Variants in TMEM232 observed in about 807,000 individuals in gnomAD.
The protein encoded by TMEM232 is transmembrane protein 232.
A neutral mutation model predicts 78.8 loss-of-function variants in TMEM232; 80 were observed. That is an observed-to-expected ratio of 1.01 (90% CI 0.85 to 1.22). The LOEUF is 1.22. Among genes scored for constraint, TMEM232 ranks in the 50% most tolerant of loss-of-function variants. The pLI is 0.00. For missense variants in TMEM232, 881 were observed against 742.2 expected (o/e 1.19, Z -2.17); for synonymous variants, 297 against 254.3 (o/e 1.17, Z -1.60).
intron 10 of TMEM232, among the ~76,000 whole-genome samples, chr5:110,569,252 A>G (rs7732762): frequency 0.01 from 1,587 of 152,036 alleles, 21 homozygotes; most frequent in African/African-American, 0.035. Context: ...AGCAATTTAT[A>G]TACATTACCA....
At chr5:110,403,133 A>G (rs912485665) in intron 2 of TMEM232, among the ~76,000 whole-genome samples, 4 of 152,080 alleles carry the variant, frequency 2.6e-5, no homozygotes, top group African/African-American at 9.7e-5. Context: ...CATTCCCTAC[A>G]AAAAGGTTCA....
intron 10 of TMEM232, among the ~76,000 whole-genome samples, chr5:110,598,601 A>G (rs981411924): frequency 2.6e-5 from 4 of 152,002 alleles, no homozygotes; most frequent in Non-Finnish European, 5.9e-5. Context: ...GCAAAGACTT[A>G]GAACCAACCC....
At chr5:110,556,805 C>G (rs1345936492) in intron 11 of TMEM232, among the ~76,000 whole-genome samples, 2 of 152,140 alleles carry the variant, frequency 1.3e-5, no homozygotes, top group Non-Finnish European at 2.9e-5. Context: ...TTCCTGCTGC[C>G]TTTAACATTT....
At chr5:110,736,882 C>T (rs1799227302) in intron 1 of TMEM232, among the ~76,000 whole-genome samples, 1 of 151,806 alleles carries the variant, frequency 6.6e-6, no homozygotes, top group African/African-American at 2.4e-5. Context: ...GCTATCGGGG[C>T]GTTTCTCTTG....
chr5:110,525,112 TA>T (rs1770377827), intron 12 of TMEM232, among the ~76,000 whole-genome samples: 1 of 151,258 alleles, frequency 6.6e-6, no homozygotes, highest in African/African-American at 2.4e-5. Context: ...TTCTCATTCC[TA>T]AAGCCAGCAT....
chr5:110,576,922 T>C (rs1777637028), intron 10 of TMEM232, among the ~76,000 whole-genome samples: 2 of 151,918 alleles, frequency 1.3e-5, no homozygotes, highest in Non-Finnish European at 1.5e-5. Context: ...GACCCAAAAC[T>C]ATGAAAATCC....
intron 12 of TMEM232, among the ~76,000 whole-genome samples, chr5:110,527,348 A>G (rs1770746943): frequency 6.6e-6 from 1 of 151,928 alleles, no homozygotes; most frequent in South Asian, 2.1e-4. Flanking sequence ...TCATTTGTGG[A>G]GGCAAATACA....
intron 1 of TMEM232, among the ~76,000 whole-genome samples, chr5:110,674,980 A>C (rs189373814): frequency 1.3e-5 from 2 of 152,274 alleles, no homozygotes; most frequent in African/African-American, 4.8e-5. Flanking sequence ...TCTGAATGGA[A>C]TAAAACTAGA....
chr5:110,474,875 C>T (rs533564805), intron 12 of TMEM232, among the ~76,000 whole-genome samples: 2 of 151,910 alleles, frequency 1.3e-5, no homozygotes, highest in Non-Finnish European at 2.9e-5. Flanking sequence ...AATAAAAGAA[C>T]ACTTCAGTGA....
At chr5:110,515,417 C>T (rs1051349480) in intron 12 of TMEM232, among the ~76,000 whole-genome samples, 7 of 152,066 alleles carry the variant, frequency 4.6e-5, no homozygotes, top group Admixed American at 1.3e-4. Context: ...TCCATCATCC[C>T]GTCCCTTAGA....
intron 5 of TMEM232, among the ~76,000 whole-genome samples, chr5:110,637,605 A>G (rs1260116840): frequency 6.6e-6 from 1 of 151,912 alleles, no homozygotes; most frequent in African/African-American, 2.4e-5. Flanking sequence ...CCATCTTAAA[A>G]AATACTTTTA....
At chr5:110,545,718 T>C (rs1773685762) in intron 11 of TMEM232, among the ~76,000 whole-genome samples, 1 of 152,102 alleles carries the variant, frequency 6.6e-6, no homozygotes, top group African/African-American at 2.4e-5. Flanking sequence ...GATTGCACCA[T>C]AAAATGTTAA....
chr5:110,705,858 T>C (rs140897464), intron 1 of TMEM232, among the ~76,000 whole-genome samples: 3,128 of 151,596 alleles, frequency 0.021, 35 homozygotes, highest in Admixed American at 0.024. Flanking sequence ...GTCCCCAAAA[T>C]GTGTGGAATC....
intron 11 of TMEM232, 51 bp downstream of exon 11, chr5:110,568,396 G>T (rs771827673): frequency 7.0e-7 from 1 of 1,438,206 alleles, no homozygotes; most frequent in Non-Finnish European, 9.3e-7. Context: ...AATGACAACC[G>T]TGCTTCCTAA....
chr5:110,641,451 C>T (rs1786702595), intron 3 of TMEM232, among the ~76,000 whole-genome samples: 1 of 152,118 alleles, frequency 6.6e-6, no homozygotes, highest in Non-Finnish European at 1.5e-5. Flanking sequence ...TTCCACTTCC[C>T]TTATTGTGCC....
intron 1 of TMEM232, among the ~76,000 whole-genome samples, chr5:110,710,810 T>C (rs1433717955): frequency 6.6e-6 from 1 of 152,122 alleles, no homozygotes. Context: ...AGTATCACAC[T>C]GAATGGGGAA....
intron 1 of TMEM232, among the ~76,000 whole-genome samples, chr5:110,714,852 T>C (rs1032833038): frequency 6.6e-6 from 1 of 152,176 alleles, no homozygotes; most frequent in African/African-American, 2.4e-5. Context: ...GAAAAAGGAC[T>C]GACCTATAAA....
intron 12 of TMEM232, among the ~76,000 whole-genome samples, chr5:110,432,228 G>C (rs898121530): frequency 6.6e-6 from 1 of 151,346 alleles, no homozygotes; most frequent in East Asian, 1.9e-4. Flanking sequence ...TAAAGGTAGC[G>C]AGCAAAAAGG....
At chr5:110,499,136 T>C (rs1425255659) in intron 12 of TMEM232, among the ~76,000 whole-genome samples, 1 of 151,634 alleles carries the variant, frequency 6.6e-6, no homozygotes, top group African/African-American at 2.4e-5. Context: ...CAAAATAAGA[T>C]AGAAAAGGAG....
Sources: allele counts gnomAD v4.1 joint callset (sites outside exome capture counted in the v4.1 genomes callset), GRCh38; gene constraint gnomAD v4.1.1; transcripts MANE v1.5; gene names NCBI Gene and HGNC (gene_info 2026-07-23, HGNC 2026-07-21).